Variants in ELP4 observed in about 807,000 individuals in gnomAD.
ELP4 encodes the protein elongator acetyltransferase complex subunit 4.
ELP4 carries 51 observed loss-of-function variants against 48.9 expected under a neutral mutation model. That is an observed-to-expected ratio of 1.04 (90% confidence interval 0.83 to 1.32). ELP4 has a LOEUF of 1.32. Ranked by LOEUF, ELP4 falls within the 40% of genes most tolerant of loss-of-function variation. ELP4 has a pLI of 0.00. For missense variants in ELP4, 519 were observed against 514.6 expected (o/e 1.01, Z -0.08); for synonymous variants, 210 against 189.2 (o/e 1.11, Z -0.90).
Position 31,519,236 on chromosome 11 carries a change from T to G in ELP4, c.224-820T>G, listed in dbSNP as rs188081032. On this transcript the variant is annotated intron_variant, in intron 1 of 9. Transcript: ENST00000640961. Reference sequence around the variant, plus strand: ...TTAAATTGTAAATATATTTAGAGCATGTCCAGACTTTGTGTATATTATTCA... The same window carrying G: ...TTAAATTGTAAATATATTTAGAGCAGGTCCAGACTTTGTGTATATTATTCA... 3.1e-3 allele frequency among the ~76,000 whole-genome samples: 466 copies of G among 152,318 alleles called. 2 individuals carry two copies. The highest frequency in any genetic ancestry group is 5.5e-3 in the Non-Finnish European group (377 of 68,018).
chr11:31,612,051 C>T (rs1043136168), intron 5 of ELP4, among the ~76,000 whole-genome samples: 11 of 152,034 alleles, frequency 7.2e-5, no homozygotes, highest in South Asian at 2.1e-4. Flanking sequence ...AGGATTTAAA[C>T]GGCCAATGTG....
chr11:31,640,984 G>T (rs1346414647), intron 7 of ELP4, among the ~76,000 whole-genome samples: 1 of 151,902 alleles, frequency 6.6e-6, no homozygotes, highest in Non-Finnish European at 1.5e-5. Flanking sequence ...GATCCCTCCT[G>T]TTCTGGGAGC....
chr11:31,735,798 A>G (rs1418195804), intron 9 of ELP4, among the ~76,000 whole-genome samples: 1 of 152,216 alleles, frequency 6.6e-6, no homozygotes, highest in Non-Finnish European at 1.5e-5. Context: ...AAGGGGAACT[A>G]CAAACCACTG....
At chr11:31,672,868 C>T (rs1391883459) in intron 9 of ELP4, among the ~76,000 whole-genome samples, 1 of 152,052 alleles carries the variant, frequency 6.6e-6, no homozygotes, top group African/African-American at 2.4e-5. Context: ...ATCACATGCA[C>T]AGTTCACCCA....
intron 9 of ELP4, among the ~76,000 whole-genome samples, chr11:31,771,792 A>G (rs1228142638): frequency 2.0e-5 from 3 of 152,200 alleles, no homozygotes; most frequent in Admixed American, 6.5e-5. Flanking sequence ...ATCCTGGCTA[A>G]CACAGTGAAA....
At chr11:31,693,919 T>C (rs958438367) in intron 9 of ELP4, among the ~76,000 whole-genome samples, 1 of 152,272 alleles carries the variant, frequency 6.6e-6, no homozygotes, top group African/African-American at 2.4e-5. Flanking sequence ...TCAGTGATGA[T>C]GAGCATTTTC....
chr11:31,700,194 C>A (rs190582257), intron 9 of ELP4, among the ~76,000 whole-genome samples: 1 of 150,898 alleles, frequency 6.6e-6, no homozygotes, highest in East Asian at 1.9e-4. Context: ...TATGGGTATA[C>A]GTATATGCTT....
intron 5 of ELP4, among the ~76,000 whole-genome samples, chr11:31,622,731 A>G (rs997414545): frequency 6.6e-6 from 1 of 151,580 alleles, no homozygotes; most frequent in Non-Finnish European, 1.5e-5. Flanking sequence ...ATTTTTTTCT[A>G]TCATCTCTAA....
At chr11:31,589,964 A>T (rs1957540545) in intron 3 of ELP4, among the ~76,000 whole-genome samples, 1 of 152,198 alleles carries the variant, frequency 6.6e-6, no homozygotes, top group Admixed American at 6.5e-5. Context: ...TATAGAAGCA[A>T]TATAGCATGG....
At chr11:31,632,992 T>G (rs1261568047) in intron 7 of ELP4, 3 of 152,098 alleles carry the variant, frequency 2.0e-5, no homozygotes, top group Non-Finnish European at 4.4e-5. Flanking sequence ...ATCTTATATA[T>G]CTAATACATT....
At chr11:31,735,738 G>A (rs1179499235) in intron 9 of ELP4, among the ~76,000 whole-genome samples, 1 of 152,070 alleles carries the variant, frequency 6.6e-6, no homozygotes, top group African/African-American at 2.4e-5. Flanking sequence ...GCTTCAAAGA[G>A]AATAAAATAC....
At chr11:31,730,388 A>C (rs560215196) in intron 9 of ELP4, among the ~76,000 whole-genome samples, 1 of 152,284 alleles carries the variant, frequency 6.6e-6, no homozygotes, top group Non-Finnish European at 1.5e-5. Flanking sequence ...TCCATTCATA[A>C]AGGCAAGCCT....
intron 6 of ELP4, among the ~76,000 whole-genome samples, chr11:31,631,982 G>C (rs1944870662): frequency 6.6e-6 from 1 of 151,904 alleles, no homozygotes; most frequent in Non-Finnish European, 1.5e-5. Context: ...ACAATTTAAA[G>C]CTTAAGGCTT....
At chr11:31,684,834 A>G (rs903408229) in intron 9 of ELP4, among the ~76,000 whole-genome samples, 1 of 152,336 alleles carries the variant, frequency 6.6e-6, no homozygotes, top group African/African-American at 2.4e-5. Context: ...GACTGTTACA[A>G]TAGACTTTTA....
rs975637520 is a variant in ELP4 at position 31,788,979 on chromosome 11, A to G, written c.*5455A>G. The G allele has an allele frequency of 4.0e-5, 8 of 199,242 alleles. No individual in the cohort carries two copies. The highest frequency in any genetic ancestry group is 8.3e-5 in the Non-Finnish European group (8 of 96,134). 12.3% of individuals were successfully genotyped at this position (199,242 alleles called of 1,614,324 possible). On this transcript the variant is annotated 3_prime_UTR_variant, in exon 10 of 10. Coordinates refer to ENST00000640961, the MANE Select transcript of ELP4 (RefSeq NM_019040.5). ...TTGGCATGGTTTTTTACAATCAACAATGGTTAATTTTGATATGTAGTTGTG... is the reference window on the plus strand; with the variant it reads ...TTGGCATGGTTTTTTACAATCAACAGTGGTTAATTTTGATATGTAGTTGTG...
At chr11:31,564,685 A>G (rs955006161) in intron 3 of ELP4, among the ~76,000 whole-genome samples, 4 of 152,142 alleles carry the variant, frequency 2.6e-5, no homozygotes, top group Non-Finnish European at 2.9e-5. Context: ...AGCTTCGTCT[A>G]TGTCCCTGCA....
At chr11:31,681,865 C>G (rs1214019431) in intron 9 of ELP4, 1 of 259,462 alleles carries the variant, frequency 3.9e-6, no homozygotes, top group Non-Finnish European at 7.8e-6. Context: ...CTCAGCCTCC[C>G]TAGTAGCTGG....
At chr11:31,531,719 G>A (rs1011509027) in intron 2 of ELP4, among the ~76,000 whole-genome samples, 3 of 152,158 alleles carry the variant, frequency 2.0e-5, no homozygotes, top group Admixed American at 6.5e-5. Context: ...GGTGTTTTTC[G>A]ACTGAGAGCA....
chr11:31,678,355 G>A (rs998553267), intron 9 of ELP4, among the ~76,000 whole-genome samples: 10 of 152,144 alleles, frequency 6.6e-5, no homozygotes, highest in Admixed American at 3.3e-4. Context: ...AGTCTGAGGT[G>A]AGAGGATCAC....
Sources: allele counts gnomAD v4.1 joint callset (sites outside exome capture counted in the v4.1 genomes callset), GRCh38; gene constraint gnomAD v4.1.1; transcripts MANE v1.5; gene names NCBI Gene and HGNC (gene_info 2026-07-23, HGNC 2026-07-21).